Variants in CCDC122 observed in about 807,000 individuals in gnomAD.
The protein encoded by CCDC122 is coiled-coil domain containing 122.
Under a neutral mutation model 37.0 loss-of-function variants are expected in CCDC122, and 38 were observed. The observed-to-expected ratio is 1.03, with a 90% CI of 0.79 to 1.35. The LOEUF (loss-of-function observed/expected upper bound fraction) is 1.35, where lower values mean the gene tolerates loss of function less well. CCDC122 is among the 40% of genes most tolerant of loss of function. The probability of loss-of-function intolerance (pLI) is 0.00; values close to 1 mark genes in which losing one functional copy is unlikely to be tolerated. For missense variants in CCDC122, 305 were observed against 310.0 expected (o/e 0.98, Z 0.12); for synonymous variants, 83 against 95.6 (o/e 0.87, Z 0.77).
chr13:43,857,974 T>C (rs2153875264), intron 6 of CCDC122, among the ~76,000 whole-genome samples: 2 of 152,290 alleles, frequency 1.3e-5, no homozygotes, highest in South Asian at 4.1e-4. Flanking sequence ...GTCTTACTAT[T>C]TATTGTTTTA....
chr13:43,836,960 C>A lies in CCDC122; in HGVS notation c.*320G>T. 1.2e-5 allele frequency: 2 copies of A among 170,192 alleles called. No homozygotes were observed. Among genetic ancestry groups the A allele is most frequent in the Non-Finnish European group, 2.5e-5 (2 of 81,480 alleles). 10.5% of individuals were successfully genotyped at this position (170,192 alleles called of 1,614,324 possible). ...GTGTTTTTTCCCTTCTAAATTTTTA[C>A]TTCATAGGGTAGTGAATGCAACATA... is the stretch of plus-strand genomic sequence containing the variant. On this transcript the variant is annotated 3_prime_UTR_variant, in exon 7 of 7. Coordinates refer to ENST00000444614, the MANE Select transcript of CCDC122 (RefSeq NM_144974.5).
intron 6 of CCDC122, among the ~76,000 whole-genome samples, chr13:43,844,158 T>C (rs915205854): frequency 1.1e-4 from 16 of 152,000 alleles, no homozygotes; most frequent in Non-Finnish European, 4.4e-5. Context: ...TCTTTTCTAT[T>C]ATAGGCATTA....
intron 4 of CCDC122, among the ~76,000 whole-genome samples, chr13:43,862,316 T>A (rs1954132943): frequency 6.6e-6 from 1 of 152,194 alleles, no homozygotes; most frequent in Admixed American, 6.5e-5. Context: ...AACGGCTTTT[T>A]AAATTATTGT....
chr13:43,838,632 A>G (rs1200314813), intron 6 of CCDC122, among the ~76,000 whole-genome samples: 5 of 152,208 alleles, frequency 3.3e-5, no homozygotes, highest in African/African-American at 1.2e-4. Flanking sequence ...TTTAATAGAA[A>G]TTGACACAAG....
intron 6 of CCDC122, among the ~76,000 whole-genome samples, chr13:43,851,850 G>A (rs73465527): frequency 0.046 from 7,001 of 152,102 alleles, 322 homozygotes; most frequent in African/African-American, 0.11. Context: ...CCAGGAGTTG[G>A]GAACAGAGCG....
At chr13:43,830,952 CTG>C (rs147601571) in intron 3 of CCDC122, among the ~76,000 whole-genome samples, 2,787 of 152,228 alleles carry the variant, frequency 0.018, 60 homozygotes, top group East Asian at 0.075. Flanking sequence ...TATTAGGAAA[CTG>C]TGCATGAGTA....
At chr13:43,835,730 AT>A (rs1316012839), downstream of CCDC122, among the ~76,000 whole-genome samples, 8 of 152,180 alleles carry the variant, frequency 5.3e-5, no homozygotes, top group African/African-American at 1.9e-4. Flanking sequence ...GAAAACTATA[AT>A]TTTTTATAAG....
downstream of CCDC122, among the ~76,000 whole-genome samples, chr13:43,835,193 A>G (rs2153868804): frequency 6.6e-6 from 1 of 152,344 alleles, no homozygotes; most frequent in East Asian, 1.9e-4. Context: ...CATCATTCTC[A>G]GCAAACTATT....
At chr13:43,828,742 CACTGAT>C (rs1953062875) in intron 3 of CCDC122, among the ~76,000 whole-genome samples, 2 of 152,204 alleles carry the variant, frequency 1.3e-5, no homozygotes, top group East Asian at 3.9e-4. Flanking sequence ...GGGGCTCTCA[CACTGAT>C]CAGTGTGAGA....
At chr13:43,864,338 C>T (rs1174024896) in intron 4 of CCDC122, among the ~76,000 whole-genome samples, 1 of 152,112 alleles carries the variant, frequency 6.6e-6, no homozygotes, top group Non-Finnish European at 1.5e-5. Flanking sequence ...TGTATTAGTC[C>T]ATTCTGTGTT....
chr13:43,877,160 C>A lies in CCDC122; in HGVS notation c.-199-2233G>T, dbSNP rs145808702. Among the ~76,000 whole-genome samples, 465 of 152,228 alleles carry A rather than the reference C, an allele frequency of 3.1e-3. 2 individuals are homozygous for A. Among genetic ancestry groups the A allele is most frequent in the African/African-American group, 0.011 (437 of 41,532 alleles). On this transcript the variant is annotated intron_variant, in intron 1 of 6. Transcript: ENST00000444614. ...CTGCCCTCAGATTGCTTCACAGGTGCCTTTAAGTTATTTTCCCCTTAAAAG... is the reference window on the plus strand; with the variant it reads ...CTGCCCTCAGATTGCTTCACAGGTGACTTTAAGTTATTTTCCCCTTAAAAG...
In CCDC122 at chr13:43,868,702, TGAACA is replaced by T. The variant is rs1566953786; in HGVS notation, c.143_147del (p.Leu48GlnfsTer5). 6.5e-7 allele frequency: 1 copy of T among 1,541,602 alleles called. No homozygotes were observed. Among genetic ancestry groups the T allele is most frequent in the African/African-American group, 1.4e-5 (1 of 72,296 alleles). On this transcript the variant is annotated frameshift_variant, in exon 4 of 7. Coordinates refer to ENST00000444614, the MANE Select transcript of CCDC122 (RefSeq NM_144974.5). LOFTEE classifies it high-confidence loss of function. ...CTATATAAAGAAGTTACCTTCAAAT[TGAACA>T]GAACCTTTTTGTTTTTTTCTATCTC...
chr13:43,860,156 G>A (rs1351754839), intron 4 of CCDC122, 86 bp from the exon 5 acceptor site: 4 of 613,872 alleles, frequency 6.5e-6, no homozygotes, highest in South Asian at 1.4e-4. Flanking sequence ...AATGAATATA[G>A]GAAAAATCAC....
At chr13:43,857,808 T>A (rs78689366) in intron 6 of CCDC122, among the ~76,000 whole-genome samples, 1,544 of 152,020 alleles carry the variant, frequency 0.01, 23 homozygotes, top group African/African-American at 0.035. Context: ...GAGGCTGAGA[T>A]GGGAAAATCG....
intron 6 of CCDC122, among the ~76,000 whole-genome samples, chr13:43,853,418 T>C (rs1479569750): frequency 6.6e-6 from 1 of 152,074 alleles, no homozygotes; most frequent in Non-Finnish European, 1.5e-5. Context: ...TGGTAAAGGA[T>C]TCAATTTAAC....
chr13:43,856,876 T>C (rs769586879), intron 6 of CCDC122, among the ~76,000 whole-genome samples: 26 of 152,322 alleles, frequency 1.7e-4, no homozygotes, highest in Non-Finnish European at 3.5e-4. Context: ...TACATGTTAG[T>C]CTAAATAAAT....
At chr13:43,839,147 G>A (rs1953264568) in intron 6 of CCDC122, among the ~76,000 whole-genome samples, 2 of 152,154 alleles carry the variant, frequency 1.3e-5, no homozygotes, top group Non-Finnish European at 2.9e-5. Flanking sequence ...AAATCATGGT[G>A]AGGGCTAAAT....
intron 6 of CCDC122, chr13:43,854,299 C>T (rs1203148537): frequency 1.3e-5 from 2 of 152,026 alleles, no homozygotes; most frequent in Non-Finnish European, 1.5e-5. Context: ...AGGATATCAC[C>T]ACTGACCCCA....
chr13:43,841,352 C>T (rs1283020856), intron 6 of CCDC122, among the ~76,000 whole-genome samples: 1 of 152,154 alleles, frequency 6.6e-6, no homozygotes, highest in Non-Finnish European at 1.5e-5. Context: ...TATAATCTCC[C>T]CAGTAGTGCA....
Sources: gnomAD v4.1 joint callset for allele counts (sites outside exome capture counted in the v4.1 genomes callset) on GRCh38, gnomAD v4.1.1 for gene constraint, MANE v1.5 for transcripts, NCBI Gene and HGNC (gene_info 2026-07-23, HGNC 2026-07-21) for gene names.